RBFOX3: variants seen among roughly 807,000 people sequenced by gnomAD.
RBFOX3 encodes the protein RNA binding protein fox-1 homolog 3.
In RBFOX3, 17 loss-of-function variants were observed where a neutral mutation model predicts 48.7. That is an observed-to-expected ratio of 0.35 (90% CI 0.24 to 0.52). The LOEUF is 0.52. Among genes scored for constraint, RBFOX3 ranks in the 20% least tolerant of loss-of-function variants. The pLI is 0.94. For synonymous variants in RBFOX3, 212 were observed against 209.5 expected (o/e 1.01, Z -0.10); for missense variants, 382 against 497.5 (o/e 0.77, Z 2.21).
intron 4 of RBFOX3, among the ~76,000 whole-genome samples, chr17:79,124,168 T>C (rs1401279446): frequency 3.3e-5 from 5 of 152,210 alleles, no homozygotes; most frequent in African/African-American, 1.2e-4. Context: ...AAATCAGCCC[T>C]GGTGGGAGCA....
chr17:79,657,593 C>A, the RBFOX3 span, among the ~76,000 whole-genome samples: 3 of 152,148 alleles, frequency 2.0e-5, no homozygotes, highest in Admixed American at 2.0e-4. Context: ...GCAGGAGAAT[C>A]GCTTGAATCT....
chr17:79,613,210 C>T (rs2093981602), upstream of RBFOX3, among the ~76,000 whole-genome samples: 1 of 152,226 alleles, frequency 6.6e-6, no homozygotes, highest in Non-Finnish European at 1.5e-5. Context: ...TTCCACCAGT[C>T]CCAGCCCAGG....
intron 2 of RBFOX3, among the ~76,000 whole-genome samples, chr17:79,368,457 G>A (rs952173102): frequency 3.3e-5 from 5 of 152,228 alleles, no homozygotes; most frequent in Admixed American, 2.0e-4. Context: ...TAGGACGCCC[G>A]CATTTGCAGA....
chr17:79,162,319 C>T (rs1002758559), intron 4 of RBFOX3, among the ~76,000 whole-genome samples: 4 of 152,196 alleles, frequency 2.6e-5, no homozygotes, highest in African/African-American at 7.2e-5. Context: ...CTCATTCACC[C>T]GGACGGAGCA....
In RBFOX3 at chr17:79,214,394, G is replaced by T. The variant is rs1600045565; in HGVS notation, c.-34+21372C>A. ...ATTAGACAAGCCCTCCCGCCCGCAGGTCCAGCAACCAGGGAGGGTGGGGGC... is the reference window on the plus strand; with the variant it reads ...ATTAGACAAGCCCTCCCGCCCGCAGTTCCAGCAACCAGGGAGGGTGGGGGC... On this transcript the variant is annotated intron_variant, in intron 4 of 14. Transcript: ENST00000693108. This position sits in a 1 kb window ranked among gnomAD's most constrained non-coding sequence, Gnocchi z 4.7. 6.6e-6 allele frequency among the ~76,000 whole-genome samples: 1 copy of T among 152,192 alleles called. No homozygotes were observed. Among genetic ancestry groups the T allele is most frequent in the African/African-American group, 2.4e-5 (1 of 41,454 alleles).
At chr17:79,651,435 T>C in the RBFOX3 span, among the ~76,000 whole-genome samples, 2 of 152,306 alleles carry the variant, frequency 1.3e-5, no homozygotes, top group East Asian at 3.9e-4. Context: ...GACTCCAAAA[T>C]GGCTGCCTTC....
chr17:79,139,484 G>A (rs1363816426), intron 4 of RBFOX3, among the ~76,000 whole-genome samples: 7 of 152,230 alleles, frequency 4.6e-5, no homozygotes, highest in Non-Finnish European at 1.0e-4. Flanking sequence ...TCATTGGCTC[G>A]TGAAGAGCTC....
At chr17:79,605,857 C>A (rs968927818) in intron 1 of RBFOX3, among the ~76,000 whole-genome samples, 4 of 152,154 alleles carry the variant, frequency 2.6e-5, no homozygotes, top group Non-Finnish European at 4.4e-5. Flanking sequence ...GTGGAACCCA[C>A]GAGCCCTGGC....
intron 4 of RBFOX3, among the ~76,000 whole-genome samples, chr17:79,169,115 T>A (rs1193587242): frequency 1.3e-5 from 2 of 151,394 alleles, no homozygotes; most frequent in Non-Finnish European, 1.5e-5. Flanking sequence ...GGCGGATCCG[T>A]GGGGACTGTG....
intron 1 of RBFOX3, among the ~76,000 whole-genome samples, chr17:79,529,331 G>A (rs1319869181): frequency 6.6e-6 from 1 of 152,196 alleles, no homozygotes; most frequent in East Asian, 1.9e-4. Context: ...ACCTGATCCT[G>A]AAAGTCCAGA....
At chr17:79,595,916 A>G (rs1429816660) in intron 1 of RBFOX3, among the ~76,000 whole-genome samples, 2 of 152,212 alleles carry the variant, frequency 1.3e-5, no homozygotes, top group Non-Finnish European at 2.9e-5. Context: ...TTCCATTAGC[A>G]TCAATAATCA....
At chr17:79,281,917 G>C (rs2070639353) in intron 3 of RBFOX3, among the ~76,000 whole-genome samples, 1 of 152,220 alleles carries the variant, frequency 6.6e-6, no homozygotes, top group Non-Finnish European at 1.5e-5. Context: ...CCATTAGGCT[G>C]CAGAAAGACG....
intron 2 of RBFOX3, among the ~76,000 whole-genome samples, chr17:79,464,378 G>A (rs144692344): frequency 3.5e-3 from 530 of 152,364 alleles, no homozygotes; most frequent in Non-Finnish European, 6.0e-3. Context: ...CCAAGGTGCC[G>A]TCCATCAATA....
rs1206990682 is a variant in RBFOX3 at position 79,101,524 on chromosome 17, C to T, written c.568+60G>A. ...TCAGCCTGCAGCAGCCTCAGCTCCCCCAGGGCCTCTGTCCCAGCCAGTGAC... is the reference window on the plus strand; with the variant it reads ...TCAGCCTGCAGCAGCCTCAGCTCCCTCAGGGCCTCTGTCCCAGCCAGTGAC... On this transcript the variant is annotated intron_variant, in intron 9 of 14. Transcript: ENST00000693108. 42 of 1,444,214 alleles carry T rather than the reference C, an allele frequency of 2.9e-5. 1 individual carries two copies. The Admixed American group carries it at 8.1e-4, about 28-fold the overall frequency. The allele number at this position is 1,444,214 out of a possible 1,614,324, so 89.5% of individuals were successfully genotyped here.
intron 4 of RBFOX3, among the ~76,000 whole-genome samples, chr17:79,117,175 C>T (rs911884733): frequency 1.3e-5 from 2 of 152,248 alleles, no homozygotes; most frequent in Non-Finnish European, 2.9e-5. Context: ...CTCGCCCCCC[C>T]AGGAGTCTGC....
At chr17:79,352,396 C>T (rs1022790303) in intron 2 of RBFOX3, among the ~76,000 whole-genome samples, 1 of 152,202 alleles carries the variant, frequency 6.6e-6, no homozygotes, top group Non-Finnish European at 1.5e-5. Context: ...TTTCTGAGGC[C>T]TCCCCAGCCA....
At chr17:79,582,819 T>A (rs1284160096) in intron 1 of RBFOX3, among the ~76,000 whole-genome samples, 6 of 143,974 alleles carry the variant, frequency 4.2e-5, no homozygotes, top group South Asian at 2.3e-4. Context: ...AGGATGCAAT[T>A]CCTGGAAGGA....
rs557430805 is a variant in RBFOX3, at chr17:79,423,513, C to T, written c.-175+58941G>A. 6.6e-5 allele frequency among the ~76,000 whole-genome samples: 10 copies of T among 152,212 alleles called. No individual in the cohort carries two copies. The highest frequency in any genetic ancestry group is 3.9e-4 in the East Asian group (2 of 5,162). On this transcript the variant is annotated intron_variant, in intron 2 of 14. Coordinates refer to ENST00000693108, the MANE Select transcript of RBFOX3 (RefSeq NM_001350451.2). This position sits in a 1 kb window ranked among gnomAD's most constrained non-coding sequence, Gnocchi z 4.9. The stretch of plus-strand genomic sequence containing the variant: ...TAAAATAGAAGTCACATCCTGCCAG[C>T]GCTGCCGGTACCCAGCACCTGGGGT...
At chr17:79,484,706 C>A (rs1171474603) in intron 1 of RBFOX3, among the ~76,000 whole-genome samples, 1 of 152,106 alleles carries the variant, frequency 6.6e-6, no homozygotes, top group Non-Finnish European at 1.5e-5. Context: ...AGGCGGCAGG[C>A]TTCTCTGCGA....
Sources: gnomAD v4.1 joint callset for allele counts (sites outside exome capture counted in the v4.1 genomes callset) on GRCh38, gnomAD v4.1.1 for gene constraint, Gnocchi (gnomAD v3.1) non-coding constraint, MANE v1.5 for transcripts, NCBI Gene and HGNC (gene_info 2026-07-23, HGNC 2026-07-21) for gene names.